Variants in RARB observed in about 807,000 individuals in gnomAD.
RARB encodes the protein retinoic acid receptor beta.
RARB carries 17 observed loss-of-function variants against 51.9 expected under a neutral mutation model. That is an observed-to-expected ratio of 0.33 (90% CI 0.22 to 0.49). The LOEUF (loss-of-function observed/expected upper bound fraction) is 0.49, where lower values mean the gene tolerates loss of function less well. Ranked by LOEUF, RARB falls within the 20% of genes least tolerant of loss-of-function variation. The probability of loss-of-function intolerance (pLI) is 0.99; values close to 1 mark genes in which losing one functional copy is unlikely to be tolerated. For missense variants in RARB, 369 were observed against 550.8 expected (o/e 0.67, Z 3.30); for synonymous variants, 215 against 195.4 (o/e 1.10, Z -0.84).
chr3:25,420,702 T>C (rs924917198), intron 5 of RARB, among the ~76,000 whole-genome samples: 1 of 152,124 alleles, frequency 6.6e-6, no homozygotes, highest in Non-Finnish European at 1.5e-5. Flanking sequence ...GGGTAGATGA[T>C]GGATCAGAGA....
intron 2 of RARB, among the ~76,000 whole-genome samples, chr3:24,992,082 C>T (rs1480319328): frequency 2.6e-5 from 4 of 152,146 alleles, no homozygotes; most frequent in Non-Finnish European, 4.4e-5. Flanking sequence ...GCTCTGACAC[C>T]CTGGTCTGGG....
At chr3:25,084,164 G>T (rs1464867741) in intron 3 of RARB, among the ~76,000 whole-genome samples, 1 of 152,130 alleles carries the variant, frequency 6.6e-6, no homozygotes, top group East Asian at 1.9e-4. Context: ...TAACTCAGCA[G>T]TTCCGTGTTC....
intron 2 of RARB, among the ~76,000 whole-genome samples, chr3:24,905,930 A>G: frequency 6.6e-6 from 1 of 152,188 alleles, no homozygotes; most frequent in East Asian, 1.9e-4. Context: ...AGGTTTTGTT[A>G]ATTTCCTTGT....
At chr3:25,367,058 C>G (rs1310884032) in intron 5 of RARB, among the ~76,000 whole-genome samples, 2 of 152,172 alleles carry the variant, frequency 1.3e-5, no homozygotes, top group Non-Finnish European at 2.9e-5. Flanking sequence ...GCCAAGAGTT[C>G]ATATTCCATC....
intron 4 of RARB, among the ~76,000 whole-genome samples, chr3:25,154,142 T>C (rs1700337609): frequency 6.6e-6 from 1 of 152,224 alleles, no homozygotes; most frequent in African/African-American, 2.4e-5. Flanking sequence ...AAAGATATCT[T>C]ATTGATTTTT....
chr3:25,585,723 G>A (rs1483275141), intron 5 of RARB, among the ~76,000 whole-genome samples: 2 of 152,184 alleles, frequency 1.3e-5, no homozygotes, highest in African/African-American at 4.8e-5. Flanking sequence ...CTCTGCCGGG[G>A]TTGCCCTTGT....
At chr3:24,912,972 A>ATTTTTTTTTTTTTTTTTTTTTTTTTT (rs71622787) in intron 2 of RARB, among the ~76,000 whole-genome samples, 2 of 57,652 alleles carry the variant, frequency 3.5e-5, no homozygotes, top group Non-Finnish European at 7.3e-5. Flanking sequence ...CAAGGTACTG[A>ATTTTTTTTTTTTTTTTTTTTTTTTTT]TTCTTTTTTT....
At chr3:25,071,320 C>T (rs1452984436) in intron 3 of RARB, among the ~76,000 whole-genome samples, 2 of 152,216 alleles carry the variant, frequency 1.3e-5, no homozygotes, top group Admixed American at 1.3e-4. Context: ...CAAACAGTTA[C>T]TTTGGCTGTA....
At chr3:25,214,963 T>A (rs539917160) in intron 5 of RARB, among the ~76,000 whole-genome samples, 1 of 152,084 alleles carries the variant, frequency 6.6e-6, no homozygotes, top group East Asian at 1.9e-4. Flanking sequence ...AATAGCAACA[T>A]GAATGACTAG....
chr3:24,884,490 GATT>G (rs1405323615), intron 2 of RARB, among the ~76,000 whole-genome samples: 1 of 151,820 alleles, frequency 6.6e-6, no homozygotes, highest in African/African-American at 2.4e-5. Flanking sequence ...GCATAGCACA[GATT>G]TTTTTCCCCA....
chr3:25,447,105 C>T (rs1708982456), intron 1 of RARB, among the ~76,000 whole-genome samples: 1 of 152,052 alleles, frequency 6.6e-6, no homozygotes, highest in African/African-American at 2.4e-5. Context: ...GTGAAAACAC[C>T]CCTCAAGTTG....
At chr3:25,237,622 G>C (rs1326140868) in intron 5 of RARB, among the ~76,000 whole-genome samples, 3 of 152,056 alleles carry the variant, frequency 2.0e-5, no homozygotes, top group Admixed American at 2.0e-4. Context: ...CCATTTTAAA[G>C]TGTACAATCC....
At chr3:25,479,218 G>A (rs1696110816) in intron 2 of RARB, among the ~76,000 whole-genome samples, 1 of 152,098 alleles carries the variant, frequency 6.6e-6, no homozygotes, top group African/African-American at 2.4e-5. Context: ...CAAGGGAAGG[G>A]CAATGAGAAA....
chr3:25,079,619 C>G (rs1008331634), intron 3 of RARB, among the ~76,000 whole-genome samples: 2 of 152,170 alleles, frequency 1.3e-5, no homozygotes, highest in African/African-American at 2.4e-5. Context: ...TTTGAAGATA[C>G]TTTTTCCATA....
intron 5 of RARB, among the ~76,000 whole-genome samples, chr3:25,184,779 C>T (rs1381795745): frequency 5.9e-5 from 9 of 152,168 alleles, no homozygotes; most frequent in Admixed American, 1.3e-4. Flanking sequence ...ATACTCCCAG[C>T]GCTTTGCGGG....
intron 2 of RARB, among the ~76,000 whole-genome samples, chr3:25,475,757 C>A (rs1279598549): frequency 6.6e-6 from 1 of 152,310 alleles, no homozygotes; most frequent in Non-Finnish European, 1.5e-5. Context: ...AGATCAGTCT[C>A]CTTGGCTCTG....
intron 2 of RARB, among the ~76,000 whole-genome samples, chr3:24,914,486 T>C (rs1036283812): frequency 2.6e-4 from 39 of 152,150 alleles, no homozygotes; most frequent in African/African-American, 9.2e-4. Flanking sequence ...CTGCCAATTA[T>C]GTGTAAAGTA....
At chr3:25,172,953 G>A (rs1700671860) in intron 4 of RARB, among the ~76,000 whole-genome samples, 1 of 152,182 alleles carries the variant, frequency 6.6e-6, no homozygotes, top group Non-Finnish European at 1.5e-5. Context: ...AATTATTTGA[G>A]CTGGACACAC....
At position 25,201,940 on chromosome 3, in the gene RARB, C is replaced by T. The variant is rs1377301335; in HGVS notation, c.178+27365C>T. 9.2e-5 allele frequency among the ~76,000 whole-genome samples: 14 copies of T among 152,278 alleles called. No individual in the cohort carries two copies. The East Asian group carries it at 2.7e-3, about 29-fold the overall frequency. On this transcript the variant is annotated intron_variant, in intron 5 of 11. Transcript: ENST00000383772. ...GCCAGGCTTTGGTATCAGGATGATG[C>T]TGGCCTCGTAAAATGAGTTAGGGAG...
Sources: allele counts gnomAD v4.1 joint callset (sites outside exome capture counted in the v4.1 genomes callset), GRCh38; gene constraint gnomAD v4.1.1; transcripts MANE v1.5; gene names NCBI Gene and HGNC (gene_info 2026-07-23, HGNC 2026-07-21).